Variants in TRIM44 observed in about 807,000 individuals in gnomAD.
The protein encoded by TRIM44 is tripartite motif-containing protein 44.
TRIM44 carries 13 observed loss-of-function variants against 37.4 expected under a neutral mutation model. The ratio of observed to expected loss-of-function variants is 0.35; its 90% CI spans 0.23 to 0.55. The LOEUF is 0.55. Ranked by LOEUF, TRIM44 falls within the 20% of genes least tolerant of loss-of-function variation. The pLI is 0.89. For missense variants in TRIM44, 426 were observed against 437.2 expected (o/e 0.97, Z 0.23); for synonymous variants, 175 against 157.2 (o/e 1.11, Z -0.85).
At chr11:35,776,158 G>T (rs147916045) in intron 4 of TRIM44, among the ~76,000 whole-genome samples, 1 of 152,110 alleles carries the variant, frequency 6.6e-6, no homozygotes, top group African/African-American at 2.4e-5. Context: ...CCTGTTATTG[G>T]TCTATTCAGG....
intron 4 of TRIM44, among the ~76,000 whole-genome samples, chr11:35,769,863 G>A (rs1852843423): frequency 6.6e-6 from 1 of 152,166 alleles, no homozygotes; most frequent in Admixed American, 6.5e-5. Flanking sequence ...GTCACCAAAA[G>A]TGTCTCCAGC....
At chr11:35,686,328 G>A (rs1851578134) in intron 2 of TRIM44, among the ~76,000 whole-genome samples, 1 of 151,472 alleles carries the variant, frequency 6.6e-6, no homozygotes, top group Non-Finnish European at 1.5e-5. Context: ...AATAGGGAAA[G>A]GCGCATGATT....
chr11:35,795,871 T>C (rs1942953462), intron 4 of TRIM44, among the ~76,000 whole-genome samples: 1 of 152,202 alleles, frequency 6.6e-6, no homozygotes, highest in African/African-American at 2.4e-5. Flanking sequence ...CTATAAAATG[T>C]TTTGAGCACT....
At chr11:35,769,240 A>G (rs770761060) in intron 4 of TRIM44, among the ~76,000 whole-genome samples, 12 of 152,064 alleles carry the variant, frequency 7.9e-5, no homozygotes, top group South Asian at 2.1e-4. Flanking sequence ...AGTAAAACCC[A>G]TTTTCCGTCT....
At chr11:35,770,163 T>C (rs1371231230) in intron 4 of TRIM44, among the ~76,000 whole-genome samples, 1 of 152,166 alleles carries the variant, frequency 6.6e-6, no homozygotes, top group African/African-American at 2.4e-5. Context: ...CAGTATTTGG[T>C]TTTTGTTCCT....
intron 4 of TRIM44, among the ~76,000 whole-genome samples, chr11:35,761,604 G>T (rs913425400): frequency 6.6e-6 from 1 of 152,066 alleles, no homozygotes; most frequent in African/African-American, 2.4e-5. Context: ...ACCTCATAGG[G>T]GTAGAGTAGA....
intron 2 of TRIM44, among the ~76,000 whole-genome samples, chr11:35,694,788 A>C (rs1412794262): frequency 6.6e-6 from 1 of 152,092 alleles, no homozygotes; most frequent in Admixed American, 6.6e-5. Flanking sequence ...CAGGGTTCCA[A>C]AGTTTTGCTG....
intron 1 of TRIM44, among the ~76,000 whole-genome samples, chr11:35,685,005 G>A (rs1851557992): frequency 2.0e-5 from 3 of 152,190 alleles, no homozygotes; most frequent in Admixed American, 2.0e-4. Flanking sequence ...CTGAGATGAA[G>A]CAGTGAGTCA....
rs1851296007 is a variant in TRIM44, at chr11:35,663,391, GAGGC to G, written c.284_287del (p.Ala95GlyfsTer72). 6.2e-7 allele frequency: 1 copy of G among 1,604,374 alleles called. No homozygotes were observed. The highest frequency in any genetic ancestry group is 8.5e-7 in the Non-Finnish European group (1 of 1,174,934). On this transcript the variant is annotated frameshift_variant, in exon 1 of 5. Transcript: ENST00000299413. LOFTEE classifies it high-confidence loss of function. Reference sequence around the variant, plus strand: ...GGAGCAGGAGAGGGAGATAGAAAGCGAGGCAGGGGAAGAGAGTGAGTCGGAGGAA... The same window carrying G: ...GGAGCAGGAGAGGGAGATAGAAAGCGAGGGGAAGAGAGTGAGTCGGAGGAA...
In TRIM44 at chr11:35,806,486, A is replaced by G. The variant is rs544527699; in HGVS notation, c.*101A>G. 100 of 1,312,804 alleles carry G rather than the reference A, an allele frequency of 7.6e-5. No individual in the cohort carries two copies. In the African/African-American group the frequency reaches 1.3e-3, roughly 17 times the overall value. 81.3% of individuals were successfully genotyped at this position (1,312,804 alleles called of 1,614,324 possible). On this transcript the variant is annotated 3_prime_UTR_variant, in exon 5 of 5. Transcript: ENST00000299413. The stretch of plus-strand genomic sequence containing the variant: ...TTTCTGTGAAAGCTGCTCAGCAACA[A>G]ACGTACTTCCACCAGATGTGTCCCC...
intron 1 of TRIM44, among the ~76,000 whole-genome samples, chr11:35,673,299 C>G (rs1002544312): frequency 6.6e-6 from 1 of 152,098 alleles, no homozygotes; most frequent in Admixed American, 6.6e-5. Context: ...CTGTGAAGAT[C>G]TAGGGAAATT....
At chr11:35,696,530 A>G (rs1851700677) in intron 2 of TRIM44, among the ~76,000 whole-genome samples, 1 of 151,802 alleles carries the variant, frequency 6.6e-6, no homozygotes, top group Non-Finnish European at 1.5e-5. Context: ...TCTTTCCCCC[A>G]GCCCCTTTTT....
chr11:35,664,007 A>G lies in TRIM44; in HGVS notation c.669+227A>G, dbSNP rs189315771. Among the ~76,000 whole-genome samples the G allele has an allele frequency of 2.9e-3, 440 of 152,186 alleles. 1 individual carries two copies. The highest frequency in any genetic ancestry group is 9.8e-3 in the African/African-American group (405 of 41,512). ...AAATACACACAAAATCTAGTATACAATTTCTAGAAAATTGCAAGTTTCTGG... is the reference window on the plus strand; with the variant it reads ...AAATACACACAAAATCTAGTATACAGTTTCTAGAAAATTGCAAGTTTCTGG... On this transcript the variant is annotated intron_variant, in intron 1 of 4. Transcript: ENST00000299413.
rs1305364019 is a variant in TRIM44, at chr11:35,809,846, GAT to G, written c.*3464_*3465del. On this transcript the variant is annotated 3_prime_UTR_variant, in exon 5 of 5. Transcript: ENST00000299413. ...GTACCTATATATAAAGGACAAGTGT[GAT>G]ATGTGTGTATATGTATATACATACA... 1 of 151,848 alleles carries G rather than the reference GAT, an allele frequency of 6.6e-6. No homozygotes were observed. The highest frequency in any genetic ancestry group is 2.4e-5 in the African/African-American group (1 of 41,308). The allele number at this position is 151,848 out of a possible 1,614,324, so 9.4% of individuals were successfully genotyped here.
In TRIM44 at chr11:35,812,746, A is replaced by G. The variant is rs1341671474; in HGVS notation, c.*6361A>G. 1 of 152,250 alleles carries G rather than the reference A, an allele frequency of 6.6e-6. No homozygotes were observed. The highest frequency in any genetic ancestry group is 1.5e-5 in the Non-Finnish European group (1 of 68,096). The allele number at this position is 152,250 out of a possible 1,614,324, so 9.4% of individuals were successfully genotyped here. A position where few individuals can be genotyped will look rare whatever the true frequency, so the allele number is the denominator to read the frequency against. Reference sequence around the variant, plus strand: ...ACATGTACAGTATGGCCTTGGGGCAAAGGAGTTTGCCTTTTGCAAAGAAGG... The same window carrying G: ...ACATGTACAGTATGGCCTTGGGGCAGAGGAGTTTGCCTTTTGCAAAGAAGG... On this transcript the variant is annotated 3_prime_UTR_variant, in exon 5 of 5. Coordinates refer to ENST00000299413, the MANE Select transcript of TRIM44 (RefSeq NM_017583.6).
chr11:35,734,163 G>A (rs750936694), intron 3 of TRIM44, among the ~76,000 whole-genome samples: 1 of 152,128 alleles, frequency 6.6e-6, no homozygotes, highest in Non-Finnish European at 1.5e-5. Context: ...AGATCATTAT[G>A]AGTGATTGTT....
intron 3 of TRIM44, among the ~76,000 whole-genome samples, chr11:35,735,183 T>A (rs1852313330): frequency 6.6e-6 from 1 of 152,230 alleles, no homozygotes; most frequent in Non-Finnish European, 1.5e-5. Context: ...CTCCTAGGTC[T>A]GTGCATTCAC....
At chr11:35,705,462 C>G (rs1006951853) in intron 2 of TRIM44, among the ~76,000 whole-genome samples, 1 of 152,128 alleles carries the variant, frequency 6.6e-6, no homozygotes, top group African/African-American at 2.4e-5. Context: ...AATATACATT[C>G]TTTTCAGCAC....
chr11:35,708,961 A>G (rs1851929082), intron 2 of TRIM44, among the ~76,000 whole-genome samples: 1 of 136,458 alleles, frequency 7.3e-6, no homozygotes, highest in Non-Finnish European at 1.5e-5. Context: ...TAAATAAATA[A>G]ACATGCACTG....
Sources: gnomAD v4.1 joint callset for allele counts (sites outside exome capture counted in the v4.1 genomes callset) on GRCh38, gnomAD v4.1.1 for gene constraint, MANE v1.5 for transcripts, NCBI Gene and HGNC (gene_info 2026-07-23, HGNC 2026-07-21) for gene names.